The following RSRC1 variants were observed in gnomAD, a reference collection of about 807,000 sequenced individuals.
RSRC1 encodes arginine and serine rich coiled-coil 1.
In RSRC1, 39 loss-of-function variants were observed where a neutral mutation model predicts 49.1. That is an observed-to-expected ratio of 0.79 (90% confidence interval 0.61 to 1.04). The LOEUF (loss-of-function observed/expected upper bound fraction) is 1.04. RSRC1 is among the 50% of genes least tolerant of loss of function. The probability of loss-of-function intolerance (pLI) is 0.00; values close to 1 mark genes in which losing one functional copy is unlikely to be tolerated. For missense variants in RSRC1, 388 were observed against 402.4 expected (o/e 0.96, Z 0.31); for synonymous variants, 143 against 130.8 (o/e 1.09, Z -0.63).
intron 4 of RSRC1, among the ~76,000 whole-genome samples, chr3:158,242,037 T>TTTC (rs1723619595): frequency 7.2e-6 from 1 of 139,300 alleles, no homozygotes; most frequent in African/African-American, 2.7e-5. Flanking sequence ...CCAACCTTTT[T>TTTC]TTTTTTTTTT....
intron 5 of RSRC1, among the ~76,000 whole-genome samples, chr3:158,352,135 G>A (rs1730912837): frequency 6.6e-6 from 1 of 151,734 alleles, no homozygotes; most frequent in Admixed American, 6.6e-5. Context: ...AGCTGGGTGT[G>A]GTGGTGCACA....
chr3:158,350,649 C>T (rs1289030563), intron 5 of RSRC1, among the ~76,000 whole-genome samples: 2 of 152,050 alleles, frequency 1.3e-5, no homozygotes, highest in African/African-American at 4.8e-5. Flanking sequence ...ATTTTTTTCT[C>T]ATTAAGTTTC....
chr3:158,441,286 A>G (rs950305736), intron 6 of RSRC1, among the ~76,000 whole-genome samples: 10 of 152,126 alleles, frequency 6.6e-5, no homozygotes, highest in African/African-American at 2.4e-4. Context: ...ATTGAGTACT[A>G]GGGTTAAACA....
chr3:158,399,544 G>A (rs997053649), intron 6 of RSRC1, among the ~76,000 whole-genome samples: 2 of 152,086 alleles, frequency 1.3e-5, no homozygotes, highest in African/African-American at 4.8e-5. Context: ...GCCAGAGCTG[G>A]TGTTAGCAAC....
intron 7 of RSRC1, among the ~76,000 whole-genome samples, chr3:158,527,077 C>A (rs1439830569): frequency 9.1e-6 from 1 of 110,150 alleles, no homozygotes; most frequent in Non-Finnish European, 1.8e-5. Flanking sequence ...AGTTCAAAAT[C>A]TTTTTTTTTT....
intron 7 of RSRC1, among the ~76,000 whole-genome samples, chr3:158,495,133 A>T (rs929401149): frequency 1.3e-5 from 2 of 152,104 alleles, no homozygotes; most frequent in Non-Finnish European, 1.5e-5. Context: ...GGAATTTTCA[A>T]CCCCAGTATT....
At position 158,478,844 on chromosome 3, in the gene RSRC1, T is replaced by C. The variant is rs145900221; in HGVS notation, c.652+17841T>C. Among the ~76,000 whole-genome samples the C allele has an allele frequency of 8.4e-3, 1,265 of 151,336 alleles. 11 individuals are homozygous for C. Among genetic ancestry groups the C allele is most frequent in the African/African-American group, 0.029 (1,206 of 41,296 alleles). On this transcript the variant is annotated intron_variant, in intron 7 of 9. Coordinates refer to ENST00000611884, the MANE Select transcript of RSRC1 (RefSeq NM_001271838.2). ...GAAGTCCTCAGTAATAGTTTATCAGTCAGGTGTTTACTAAAAGAAATATAT... is the reference window on the plus strand; with the variant it reads ...GAAGTCCTCAGTAATAGTTTATCAGCCAGGTGTTTACTAAAAGAAATATAT...
intron 4 of RSRC1, among the ~76,000 whole-genome samples, chr3:158,249,057 A>G (rs1018549350): frequency 1.3e-5 from 2 of 152,100 alleles, no homozygotes; most frequent in African/African-American, 2.4e-5. Flanking sequence ...TTGAGTATCA[A>G]TTATTTGCTT....
intron 4 of RSRC1, among the ~76,000 whole-genome samples, chr3:158,293,280 A>T (rs572519737): frequency 3.6e-4 from 55 of 152,182 alleles, no homozygotes; most frequent in African/African-American, 1.3e-3. Context: ...CATAATATAT[A>T]CATACATACA....
intron 3 of RSRC1, among the ~76,000 whole-genome samples, chr3:158,182,757 T>C (rs980561695): frequency 6.6e-6 from 1 of 152,220 alleles, no homozygotes; most frequent in Non-Finnish European, 1.5e-5. Flanking sequence ...TGATACGTTT[T>C]AAATACTATT....
intron 8 of RSRC1, among the ~76,000 whole-genome samples, chr3:158,537,957 T>C (rs1014828888): frequency 1.3e-5 from 2 of 151,800 alleles, no homozygotes; most frequent in African/African-American, 4.8e-5. Flanking sequence ...TATTATCTTT[T>C]TAAAATAAAA....
At chr3:158,116,280 C>A (rs1381137736) in intron 1 of RSRC1, among the ~76,000 whole-genome samples, 2 of 152,110 alleles carry the variant, frequency 1.3e-5, no homozygotes, top group East Asian at 3.8e-4. Context: ...TTTCCAGATA[C>A]TCAAGTCTGC....
At chr3:158,199,167 G>A (rs1320616592) in intron 3 of RSRC1, among the ~76,000 whole-genome samples, 1 of 152,170 alleles carries the variant, frequency 6.6e-6, no homozygotes, top group Non-Finnish European at 1.5e-5. Context: ...TTTGCCTGCT[G>A]CTATCCGCGT....
At chr3:158,318,533 G>C (rs1728590668) in intron 5 of RSRC1, among the ~76,000 whole-genome samples, 4 of 152,132 alleles carry the variant, frequency 2.6e-5, no homozygotes, top group Admixed American at 2.6e-4. Context: ...TTCTGTAGCA[G>C]TTTTCAAGAG....
At chr3:158,115,686 A>G (rs1161953074) in intron 1 of RSRC1, among the ~76,000 whole-genome samples, 1 of 152,068 alleles carries the variant, frequency 6.6e-6, no homozygotes, top group Non-Finnish European at 1.5e-5. Context: ...CTTTTTTGCA[A>G]ATCTCTAATG....
intron 4 of RSRC1, among the ~76,000 whole-genome samples, chr3:158,220,462 A>G (rs1204435771): frequency 1.3e-5 from 2 of 151,542 alleles, no homozygotes; most frequent in African/African-American, 4.8e-5. Flanking sequence ...GCCTAAAACC[A>G]TATATTCTAT....
chr3:158,338,063 A>G (rs140493854), intron 5 of RSRC1, among the ~76,000 whole-genome samples: 150 of 152,350 alleles, frequency 9.8e-4, no homozygotes, highest in African/African-American at 3.4e-3. Flanking sequence ...TTGGATCATG[A>G]ATATGGGCTC....
chr3:158,427,188 CA>C (rs1553804267), intron 6 of RSRC1, among the ~76,000 whole-genome samples: 1 of 149,002 alleles, frequency 6.7e-6, no homozygotes, highest in Non-Finnish European at 1.5e-5. Flanking sequence ...GATAGCCAAC[CA>C]ACCAAAAAAA....
intron 7 of RSRC1, among the ~76,000 whole-genome samples, chr3:158,475,513 C>T (rs1738328056): frequency 1.3e-5 from 2 of 152,076 alleles, no homozygotes; most frequent in African/African-American, 4.8e-5. Flanking sequence ...AAAGTATATG[C>T]TCATTTCATA....
Sources: gnomAD v4.1 joint callset for allele counts (sites outside exome capture counted in the v4.1 genomes callset) on GRCh38, gnomAD v4.1.1 for gene constraint, MANE v1.5 for transcripts, NCBI Gene and HGNC (gene_info 2026-07-23, HGNC 2026-07-21) for gene names.